Variants in MKRN1 observed in about 807,000 individuals in gnomAD.
The protein encoded by MKRN1 is E3 ubiquitin-protein ligase makorin-1.
In MKRN1, 9 loss-of-function variants were observed where a neutral mutation model predicts 55.5. That is an observed-to-expected ratio of 0.16 (90% CI 0.10 to 0.28). MKRN1 has a LOEUF of 0.28. Among genes scored for constraint, MKRN1 ranks in the 10% least tolerant of loss-of-function variants. The pLI is 1.00. For missense variants in MKRN1, 488 were observed against 626.7 expected, an observed-to-expected ratio of 0.78 and a Z score of 2.36; for synonymous variants, 253 against 235.9, an observed-to-expected ratio of 1.07 and a Z score of -0.66.
At chr7:140,470,092 A>T (rs1006890717) in intron 2 of MKRN1, among the ~76,000 whole-genome samples, 1 of 149,752 alleles carries the variant, frequency 6.7e-6, no homozygotes, top group Non-Finnish European at 1.5e-5. Context: ...GTGGTGGTGC[A>T]TGCTTGTAAT....
chr7:140,479,338 C>T lies in MKRN1; in HGVS notation c.7G>A (p.Glu3Lys). Reference sequence around the variant, plus strand: ...GCTGTTGTTCCGGGAGTTGCAGCCTCCGCCATTACTGTTTATCCCACACAG... The same window carrying T: ...GCTGTTGTTCCGGGAGTTGCAGCCTTCGCCATTACTGTTTATCCCACACAG... Reference protein sequence around the residue: MAEAATPGTTATT... With the variant: MAKAATPGTTATT... The change falls in exon 1 of 8, where the codon GAG (glutamate) becomes AAG (lysine). Residue 3 changes from glutamate (E) to lysine (K), a missense_variant. Around this residue, in one of 2 missense-constraint regions of MKRN1, gnomAD observed 210 missense variants for 220.0 expected, o/e 0.95. Coordinates refer to ENST00000255977, the MANE Select transcript of MKRN1 (RefSeq NM_013446.4). 7.7e-7 allele frequency: 1 copy of T among 1,304,342 alleles called. No individual in the cohort carries two copies. The highest frequency in any genetic ancestry group is 9.8e-7 in the Non-Finnish European group (1 of 1,021,578). The allele number at this position is 1,304,342 out of a possible 1,614,324, so 80.8% of individuals were successfully genotyped here.
intron 5 of MKRN1, chr7:140,456,275 A>G: frequency 1.7e-6 from 2 of 1,162,850 alleles, no homozygotes; most frequent in Non-Finnish European, 2.1e-6. Flanking sequence ...CAATCTTTAA[A>G]GGATGGTGGA....
At position 140,454,482 on chromosome 7, in the gene MKRN1, G is replaced by C; in HGVS notation, c.*35C>G. ...ACCACAGGGGACAGCTGCTGTCTGA[G>C]GTCAGCAGACCAGTTCACACGCCAC... is the stretch of plus-strand genomic sequence containing the variant. On this transcript the variant is annotated 3_prime_UTR_variant, in exon 8 of 8. Coordinates refer to ENST00000255977, the MANE Select transcript of MKRN1 (RefSeq NM_013446.4). 1.3e-6 allele frequency: 2 copies of C among 1,577,252 alleles called. No individual in the cohort carries two copies. The highest frequency in any genetic ancestry group is 1.7e-6 in the Non-Finnish European group (2 of 1,153,950).
At chr7:140,469,256 G>T (rs572126057) in intron 2 of MKRN1, among the ~76,000 whole-genome samples, 52 of 151,866 alleles carry the variant, frequency 3.4e-4, no homozygotes, top group African/African-American at 1.2e-3. Context: ...AACCCGGGAG[G>T]CGGAGCTTGC....
intron 3 of MKRN1, 31 bp downstream of exon 3, chr7:140,459,676 T>TAA: frequency 6.3e-7 from 1 of 1,596,640 alleles, no homozygotes; most frequent in East Asian, 2.2e-5. Context: ...TCCAGCCCTC[T>TAA]AACTCTTATT....
chr7:140,472,806 TTAAC>T (rs1457423283), intron 1 of MKRN1, among the ~76,000 whole-genome samples: 7 of 151,704 alleles, frequency 4.6e-5, no homozygotes, highest in Admixed American at 3.3e-4. Context: ...TGAAAACTGT[TTAAC>T]TTACATAACA....
chr7:140,479,416 AGGACGGCGAGGCCAGGCGAGGGGAGG>A lies in MKRN1; in HGVS notation c.-98_-73del. On this transcript the variant is annotated 5_prime_UTR_variant, in exon 1 of 8. Coordinates refer to ENST00000255977, the MANE Select transcript of MKRN1 (RefSeq NM_013446.4). The stretch of plus-strand genomic sequence containing the variant: ...ATAGTTCCGGTCCGGCTGCGGGGAG[AGGACGGCGAGGCCAGGCGAGGGGAGG>A]GGAAGGACACTGAGGCACCCGTTCG... 6 of 1,250,048 alleles carry A rather than the reference AGGACGGCGAGGCCAGGCGAGGGGAGG, an allele frequency of 4.8e-6. No individual in the cohort carries two copies. Among genetic ancestry groups the A allele is most frequent in the Non-Finnish European group, 6.0e-6 (6 of 991,740 alleles). 77.4% of individuals were successfully genotyped at this position (1,250,048 alleles called of 1,614,324 possible). A position where few individuals can be genotyped will look rare whatever the true frequency, so the allele number is the denominator to read the frequency against.
At chr7:140,458,142 T>C (rs185298572) in intron 4 of MKRN1, among the ~76,000 whole-genome samples, 3 of 152,346 alleles carry the variant, frequency 2.0e-5, no homozygotes, top group East Asian at 3.9e-4. Flanking sequence ...GCAGAGTTCC[T>C]ATGTAACCCA....
intron 5 of MKRN1, 124 bp from the exon 6 acceptor site, chr7:140,456,024 G>C: frequency 2.9e-6 from 3 of 1,032,982 alleles, no homozygotes; most frequent in South Asian, 1.5e-5. Flanking sequence ...GGCATTTCCT[G>C]AAAGGGTTCC....
intron 2 of MKRN1, among the ~76,000 whole-genome samples, chr7:140,470,539 T>A (rs1460820677): frequency 6.9e-6 from 1 of 144,494 alleles, no homozygotes; most frequent in Non-Finnish European, 1.5e-5. Flanking sequence ...GAGCCGAAAT[T>A]GCGCCACTGC....
rs748121903 is a variant in MKRN1, at chr7:140,455,250, C to T, written c.1098-17G>A. On this transcript the variant is annotated splice_polypyrimidine_tract_variant and intron_variant, in intron 6 of 7. Coordinates refer to ENST00000255977, the MANE Select transcript of MKRN1 (RefSeq NM_013446.4). Reference sequence around the variant, plus strand: ...GCCTTGTTGCTGGAAAGGAAAATATCGCAACCCTTATTCACAGTGGATTTC... The same window carrying T: ...GCCTTGTTGCTGGAAAGGAAAATATTGCAACCCTTATTCACAGTGGATTTC... 1.9e-5 allele frequency: 31 copies of T among 1,613,696 alleles called. No individual in the cohort carries two copies. The highest frequency in any genetic ancestry group is 3.3e-5 in the Admixed American group (2 of 59,946).
intron 2 of MKRN1, 39 bp from the exon 3 acceptor site, chr7:140,459,975 G>T: frequency 6.4e-7 from 1 of 1,550,438 alleles, no homozygotes. Context: ...GGCCAGTCGT[G>T]GTGGCTCAAG....
At chr7:140,471,608 T>A (rs1332486231) in intron 2 of MKRN1, among the ~76,000 whole-genome samples, 3 of 152,080 alleles carry the variant, frequency 2.0e-5, no homozygotes, top group African/African-American at 7.2e-5. Flanking sequence ...TAGCTGGGAT[T>A]ACAGACGCAC....
At chr7:140,478,944 C>CA in intron 1 of MKRN1, 1 of 469,644 alleles carries the variant, frequency 2.1e-6, no homozygotes, top group Non-Finnish European at 3.3e-6. Flanking sequence ...CCTCCGCGGA[C>CA]AGCGCTGAGG....
Position 140,471,922 on chromosome 7 carries a change from T to C in MKRN1, c.275A>G (p.Tyr92Cys). ...ATAAATACAGTACCCTCGCTGAAAATACTTGCACACTACACTATACGGACT... is the reference window on the plus strand; with the variant it reads ...ATAAATACAGTACCCTCGCTGAAAACACTTGCACACTACACTATACGGACT... ...SDSPYSVVCK[Y>C]FQRGYCIYGD... The change falls in exon 2 of 8, where the codon TAT (tyrosine) becomes TGT (cysteine). Residue 92 changes from tyrosine to cysteine, a missense_variant. Around this residue, in one of 2 missense-constraint regions of MKRN1, gnomAD observed 210 missense variants for 220.0 expected, o/e 0.95. Coordinates refer to ENST00000255977, the MANE Select transcript of MKRN1 (RefSeq NM_013446.4). The C allele has an allele frequency of 1.2e-6, 2 of 1,614,058 alleles. No homozygotes were observed. Among genetic ancestry groups the C allele is most frequent in the Non-Finnish European group, 1.7e-6 (2 of 1,180,014 alleles).
rs1375232321 is a variant in MKRN1 at position 140,453,929 on chromosome 7, A to T, written c.*588T>A. 6.3e-6 allele frequency: 1 copy of T among 157,742 alleles called. No individual in the cohort carries two copies. The highest frequency in any genetic ancestry group is 1.4e-5 in the Non-Finnish European group (1 of 70,720). 9.8% of individuals were successfully genotyped at this position (157,742 alleles called of 1,614,324 possible). ...CAGTAAAAAATCTCAACACATTCAC[A>T]CCTGATTCTGGTTACCCAGTAGTAT... On this transcript the variant is annotated 3_prime_UTR_variant, in exon 8 of 8. Transcript: ENST00000255977.
At chr7:140,458,862 A>G in intron 4 of MKRN1, 145 bp downstream of exon 4, 1 of 818,146 alleles carries the variant, frequency 1.2e-6, no homozygotes, top group Non-Finnish European at 1.9e-6. Flanking sequence ...TAAAGCATCC[A>G]AGAAGCCCAA....
At chr7:140,471,749 C>A in intron 2 of MKRN1, 134 bp downstream of exon 2, 1 of 1,253,746 alleles carries the variant, frequency 8.0e-7, no homozygotes, top group Non-Finnish European at 1.1e-6. Context: ...GGATTATAGG[C>A]ATGAGCCACT....
chr7:140,472,842 G>A (rs978337266), intron 1 of MKRN1, among the ~76,000 whole-genome samples: 1 of 151,646 alleles, frequency 6.6e-6, no homozygotes, highest in African/African-American at 2.4e-5. Flanking sequence ...AAAGGGCCAG[G>A]CGTGGTGGCC....
Sources: allele counts gnomAD v4.1 joint callset (sites outside exome capture counted in the v4.1 genomes callset), GRCh38; gene constraint gnomAD v4.1.1; regional missense constraint gnomAD v4.1.1; transcripts MANE v1.5; gene names NCBI Gene and HGNC (gene_info 2026-07-23, HGNC 2026-07-21).